The following MAP4 variants were observed in gnomAD, a reference collection of about 807,000 sequenced individuals.
MAP4 encodes microtubule-associated protein 4.
MAP4 carries 76 observed loss-of-function variants against 170.2 expected under a neutral mutation model. The ratio of observed to expected loss-of-function variants is 0.45; its 90% confidence interval spans 0.37 to 0.54. MAP4 has a LOEUF of 0.54. Ranked by LOEUF, MAP4 falls within the 20% of genes least tolerant of loss-of-function variation. MAP4 has a pLI of 0.00. For missense variants in MAP4, 2,506 were observed against 2,748.0 expected (o/e 0.91, Z 1.97); for synonymous variants, 909 against 994.5 (o/e 0.91, Z 1.62).
chr3:47,921,937 A>ATTTC (rs956154305), intron 4 of MAP4, 59 bp from the exon 5 acceptor site: 6 of 799,968 alleles, frequency 7.5e-6, no homozygotes, highest in African/African-American at 3.5e-5. Context: ...AAAGATTAAT[A>ATTTC]TTTCTTTCTT....
At chr3:47,877,720 C>T in intron 10 of MAP4, 197 bp from the exon 11 acceptor site, 1 of 459,832 alleles carries the variant, frequency 2.2e-6, no homozygotes, top group East Asian at 3.7e-5. Flanking sequence ...TCCTCAGATT[C>T]AGAGAGCCTG....
chr3:47,972,728 T>C (rs1025051923), intron 3 of MAP4, among the ~76,000 whole-genome samples: 3 of 151,666 alleles, frequency 2.0e-5, no homozygotes, highest in African/African-American at 7.3e-5. Flanking sequence ...CTACTAAAAA[T>C]ACAAAAAATT....
intron 3 of MAP4, among the ~76,000 whole-genome samples, chr3:47,940,240 T>G (rs1298594819): frequency 6.6e-6 from 1 of 151,940 alleles, no homozygotes; most frequent in Non-Finnish European, 1.5e-5. Context: ...GAATCACCAG[T>G]CCCCCGCCAC....
At position 47,909,265 on chromosome 3, in the gene MAP4, T is replaced by C. The variant is rs2100034712; in HGVS notation, c.5156A>G (p.Lys1719Arg). 6.2e-7 allele frequency: 1 copy of C among 1,613,944 alleles called. No individual in the cohort carries two copies. Among genetic ancestry groups the C allele is most frequent in the Non-Finnish European group, 8.5e-7 (1 of 1,179,866 alleles). The change falls in exon 9 of 21, where the codon AAG (lysine) becomes AGG (arginine). Residue 1719 changes from lysine (K) to arginine (R), a missense_variant. By Grantham distance (26) the Lys-to-Arg change is conservative. Around this residue, in one of 3 missense-constraint regions of MAP4, gnomAD observed 2,008 missense variants for 2,206.0 expected, o/e 0.91. Transcript: ENST00000683076. ...ADTLVIMTAS[K>R]GVRLPEPKDK... Reference sequence around the variant, plus strand: ...TTTGGGTTCTGGGAGTCGAACACCCTTGGAAGCAGTCATTATTACTAACGT... The same window carrying C: ...TTTGGGTTCTGGGAGTCGAACACCCCTGGAAGCAGTCATTATTACTAACGT...
At chr3:47,897,159 C>T (rs2153222404) in intron 10 of MAP4, among the ~76,000 whole-genome samples, 1 of 152,254 alleles carries the variant, frequency 6.6e-6, no homozygotes, top group Non-Finnish European at 1.5e-5. Flanking sequence ...GGGGGTCTCG[C>T]TTTGTTGCCC....
chr3:47,938,603 T>C (rs1158443825), intron 3 of MAP4, among the ~76,000 whole-genome samples: 2 of 152,062 alleles, frequency 1.3e-5, no homozygotes, highest in Non-Finnish European at 2.9e-5. Flanking sequence ...AGGCTGGCGT[T>C]GAACAACTGG....
intron 10 of MAP4, among the ~76,000 whole-genome samples, chr3:47,883,572 T>C (rs2097132074): frequency 6.6e-6 from 1 of 152,206 alleles, no homozygotes; most frequent in East Asian, 1.9e-4. Flanking sequence ...ATTTCTGAAA[T>C]TCCAAGCCTC....
intron 1 of MAP4, among the ~76,000 whole-genome samples, chr3:48,062,206 C>G (rs796375065): frequency 5.5e-5 from 8 of 145,482 alleles, no homozygotes; most frequent in Non-Finnish European, 1.1e-4. Context: ...ACCCCCAACC[C>G]GGTGCTCTCT....
intron 1 of MAP4, among the ~76,000 whole-genome samples, chr3:48,035,889 G>A (rs1038102594): frequency 4.0e-5 from 6 of 151,812 alleles, no homozygotes; most frequent in African/African-American, 1.2e-4. Context: ...GCAGTGAGCC[G>A]AGATCCCACC....
intron 1 of MAP4, among the ~76,000 whole-genome samples, chr3:48,083,013 T>C (rs190285903): frequency 7.2e-5 from 11 of 152,036 alleles, no homozygotes; most frequent in African/African-American, 2.4e-4. Context: ...CAAGGAAAGA[T>C]AGGGAAGGAG....
At chr3:47,954,574 T>C (rs1019672029) in intron 3 of MAP4, among the ~76,000 whole-genome samples, 2 of 152,192 alleles carry the variant, frequency 1.3e-5, no homozygotes, top group Admixed American at 1.3e-4. Flanking sequence ...GAAAAACCTG[T>C]AGTGTTCCCA....
chr3:47,988,005 T>C (rs2100089850), intron 2 of MAP4, among the ~76,000 whole-genome samples: 1 of 151,978 alleles, frequency 6.6e-6, no homozygotes, highest in Non-Finnish European at 1.5e-5. Context: ...CCATCCTGGC[T>C]AACACGGTGA....
chr3:48,052,218 G>A (rs371878995), intron 1 of MAP4, among the ~76,000 whole-genome samples: 71 of 152,046 alleles, frequency 4.7e-4, no homozygotes, highest in African/African-American at 1.7e-3. Context: ...GAACAGGGTG[G>A]GTTTTTTTGT....
chr3:48,049,293 G>T (rs1039696624), intron 1 of MAP4, among the ~76,000 whole-genome samples: 1 of 152,236 alleles, frequency 6.6e-6, no homozygotes, highest in Non-Finnish European at 1.5e-5. Context: ...AACCAAAGGA[G>T]TGATTTCTGG....
chr3:48,049,555 G>A (rs933778035), intron 1 of MAP4, among the ~76,000 whole-genome samples: 1 of 152,148 alleles, frequency 6.6e-6, no homozygotes, highest in South Asian at 2.1e-4. Flanking sequence ...AGGAGTTCAG[G>A]TTGCAGTGAG....
intron 1 of MAP4, among the ~76,000 whole-genome samples, chr3:48,077,776 T>C (rs1490639018): frequency 2.6e-5 from 4 of 152,136 alleles, no homozygotes; most frequent in Non-Finnish European, 5.9e-5. Flanking sequence ...AGCTAAAAAA[T>C]GCAACCCAAA....
chr3:47,890,977 C>T (rs1577144789), intron 10 of MAP4: 1 of 1,410,924 alleles, frequency 7.1e-7, no homozygotes, highest in Non-Finnish European at 9.3e-7. Flanking sequence ...TTGGTTCCTT[C>T]CTTGCTGTCT....
At chr3:47,904,933 G>C (rs2100032096) in intron 9 of MAP4, among the ~76,000 whole-genome samples, 2 of 152,176 alleles carry the variant, frequency 1.3e-5, no homozygotes, top group South Asian at 4.1e-4. Context: ...GCCTCCCAAA[G>C]TGCTGGGACT....
chr3:48,016,886 CCTAA>C (rs1387889519), upstream of MAP4, among the ~76,000 whole-genome samples: 2 of 151,948 alleles, frequency 1.3e-5, no homozygotes, highest in Non-Finnish European at 2.9e-5. Context: ...AAGTGATTCT[CCTAA>C]CTCAGCCTCC....
Sources: gnomAD v4.1 joint callset for allele counts (sites outside exome capture counted in the v4.1 genomes callset) on GRCh38, gnomAD v4.1.1 for gene constraint, gnomAD v4.1.1 regional missense constraint, MANE v1.5 for transcripts, NCBI Gene and HGNC (gene_info 2026-07-23, HGNC 2026-07-21) for gene names.